Variants in ADGRB1 observed in about 807,000 individuals in gnomAD.
ADGRB1 encodes brain-specific angiogenesis inhibitor 1.
In ADGRB1, 36 loss-of-function variants were observed where a neutral mutation model predicts 175.7. The ratio of observed to expected loss-of-function variants is 0.20; its 90% CI spans 0.16 to 0.27. The LOEUF (loss-of-function observed/expected upper bound fraction) is 0.27. Among genes scored for constraint, ADGRB1 ranks in the 10% least tolerant of loss-of-function variants. The probability of loss-of-function intolerance (pLI) is 1.00; values close to 1 mark genes in which losing one functional copy is unlikely to be tolerated. For synonymous variants in ADGRB1, 1,054 were observed against 979.4 expected (o/e 1.08, Z -1.42); for missense variants, 1,731 against 2,255.3 (o/e 0.77, Z 4.71).
chr8:142,521,483 T>C (rs1486180517), intron 20 of ADGRB1, among the ~76,000 whole-genome samples: 1 of 152,138 alleles, frequency 6.6e-6, no homozygotes, highest in South Asian at 2.1e-4. Context: ...ACGCTGACAA[T>C]CTAGGAGAGA....
intron 3 of ADGRB1, 65 bp downstream of exon 3, chr8:142,475,700 G>GT (rs1840924416): frequency 2.5e-6 from 3 of 1,176,500 alleles, no homozygotes; most frequent in Non-Finnish European, 3.1e-6. Context: ...AGGGAGGAGA[G>GT]GGGGGTGGGG....
chr8:142,464,331 A>G lies in ADGRB1; in HGVS notation c.133A>G (p.Thr45Ala). 1 of 1,499,304 alleles carries G rather than the reference A, an allele frequency of 6.7e-7. No homozygotes were observed. Among genetic ancestry groups the G allele is most frequent in the South Asian group, 1.3e-5 (1 of 78,816 alleles). The allele number at this position is 1,499,304 out of a possible 1,614,324, so 92.9% of individuals were successfully genotyped here. Residue 45 changes from threonine (T) to alanine (A), a missense_variant, in exon 2 of 31, where the codon ACG becomes GCG. By Grantham distance (58) the Thr-to-Ala change is moderately conservative. Transcript: ENST00000517894. ...DAGPGPEPCA[T>A]LVQGKFFGYF... ...GGGGCCCGGGCCCGAGCCGTGCGCC[A>G]CGCTGGTGCAGGGAAAGTTCTTCGG...
Position 142,543,832 on chromosome 8 carries a change from A to T in ADGRB1, c.4557+124A>T, listed in dbSNP as rs1256369947. On this transcript the variant is annotated intron_variant, in intron 30 of 30. Coordinates refer to ENST00000517894, the MANE Select transcript of ADGRB1 (RefSeq NM_001702.3). This position sits in a 1 kb window ranked among gnomAD's most constrained non-coding sequence, Gnocchi z 4.4. ...CATCCATCCATTCGTTCATTCATTCATTCATTCGCCCATCCCTGAGGGCTG... is the reference window on the plus strand; with the variant it reads ...CATCCATCCATTCGTTCATTCATTCTTTCATTCGCCCATCCCTGAGGGCTG... 2.0e-6 allele frequency: 2 copies of T among 1,017,962 alleles called. No individual in the cohort carries two copies. Among genetic ancestry groups the T allele is most frequent in the Non-Finnish European group, 2.9e-6 (2 of 678,528 alleles). The allele number at this position is 1,017,962 out of a possible 1,614,324, so 63.1% of individuals were successfully genotyped here.
chr8:142,482,704 T>C (rs1042428579), intron 11 of ADGRB1, among the ~76,000 whole-genome samples: 2 of 147,764 alleles, frequency 1.4e-5, no homozygotes, highest in African/African-American at 5.1e-5. Context: ...GGTCACACAC[T>C]GAGCCCTGAT....
At chr8:142,531,227 C>A (rs1480253461) in intron 24 of ADGRB1, among the ~76,000 whole-genome samples, 1 of 152,238 alleles carries the variant, frequency 6.6e-6, no homozygotes, top group Non-Finnish European at 1.5e-5. Context: ...AGCTTATCGC[C>A]ATGGGAAAAC....
chr8:142,508,280 G>C (rs1842933987), intron 17 of ADGRB1, among the ~76,000 whole-genome samples: 1 of 152,180 alleles, frequency 6.6e-6, no homozygotes, highest in South Asian at 2.1e-4. Flanking sequence ...TCAGGTCCCT[G>C]CTCCACCTGT....
intron 18 of ADGRB1, among the ~76,000 whole-genome samples, chr8:142,516,331 G>A (rs1843427567): frequency 6.8e-6 from 1 of 146,772 alleles, no homozygotes; most frequent in Non-Finnish European, 1.5e-5. Flanking sequence ...CCAGGTGCAT[G>A]CGTGTGTGCG....
intron 23 of ADGRB1, 83 bp downstream of exon 23, chr8:142,524,387 C>T (rs1844052425): frequency 7.2e-7 from 1 of 1,398,088 alleles, no homozygotes; most frequent in Non-Finnish European, 9.7e-7. Flanking sequence ...TGTCTCATGC[C>T]CCAGGCTGTG....
rs1286316480 is a variant in ADGRB1, at chr8:142,522,068, A to G, written c.3128A>G (p.His1043Arg). The G allele has an allele frequency of 1.2e-6, 2 of 1,611,622 alleles. No homozygotes were observed. Among genetic ancestry groups the G allele is most frequent in the East Asian group, 2.2e-5 (1 of 44,810 alleles). ...AWQSYMAVTG[H>R]LRNRLIRKRF... is the part of the protein sequence containing the mutation. ...CAGTCCTACATGGCGGTGACGGGCC[A>G]CCTCCGGAACCGCCTCATCCGCAAG... Residue 1043 changes from histidine (H) to arginine (R), a missense_variant, in exon 21 of 31, where the codon CAC becomes CGC. Coordinates refer to ENST00000517894, the MANE Select transcript of ADGRB1 (RefSeq NM_001702.3).
At chr8:142,469,617 A>G (rs553363022) in intron 2 of ADGRB1, among the ~76,000 whole-genome samples, 180 of 104,618 alleles carry the variant, frequency 1.7e-3, no homozygotes, top group Middle Eastern at 7.9e-3. Context: ...ATGTGTGTGT[A>G]TGCACGTGCA....
intron 1 of ADGRB1, among the ~76,000 whole-genome samples, chr8:142,458,589 C>T (rs1013771724): frequency 9.9e-5 from 15 of 152,282 alleles, no homozygotes; most frequent in African/African-American, 3.4e-4. Flanking sequence ...CCTGCTGCCC[C>T]ACCTCTCTGG....
At chr8:142,477,328 C>G (rs750364140) in intron 5 of ADGRB1, 50 bp downstream of exon 5, 16 of 1,586,126 alleles carry the variant, frequency 1.0e-5, no homozygotes, top group Middle Eastern at 3.4e-4. Flanking sequence ...CAGCGGGGGG[C>G]CAGGGCAGCG....
chr8:142,506,112 A>T (rs1482510194), intron 17 of ADGRB1, among the ~76,000 whole-genome samples: 1 of 151,710 alleles, frequency 6.6e-6, no homozygotes, highest in Non-Finnish European at 1.5e-5. Context: ...CACCTGGGCG[A>T]CCCCGAGGTG....
chr8:142,480,464 C>T (rs1008930432), intron 9 of ADGRB1, among the ~76,000 whole-genome samples: 4 of 152,104 alleles, frequency 2.6e-5, no homozygotes, highest in Admixed American at 6.5e-5. Context: ...TTGCCAGCTG[C>T]GGCTGCTGCT....
intron 18 of ADGRB1, among the ~76,000 whole-genome samples, chr8:142,513,099 C>T (rs947815840): frequency 6.6e-6 from 1 of 152,188 alleles, no homozygotes; most frequent in Non-Finnish European, 1.5e-5. Flanking sequence ...GGGCAGGATG[C>T]CAGCAGGCAT....
intron 18 of ADGRB1, among the ~76,000 whole-genome samples, chr8:142,516,456 G>C (rs372684833): frequency 8.9e-5 from 13 of 145,456 alleles, no homozygotes; most frequent in Admixed American, 5.5e-4. Context: ...GCGTGTGTCT[G>C]TGCGGGCCCC....
At chr8:142,489,580 G>A (rs1411425963) in intron 16 of ADGRB1, 142 bp downstream of exon 16, 5 of 953,442 alleles carry the variant, frequency 5.2e-6, no homozygotes, top group Non-Finnish European at 7.9e-6. Flanking sequence ...CTGGATTACA[G>A]GTGGGGAAAC....
rs1354703532 is a variant in ADGRB1, at chr8:142,506,656, C to T, written c.2676-4276C>T. On this transcript the variant is annotated intron_variant, in intron 17 of 30. Transcript: ENST00000517894. ...GTGCCCCCTGCAGCAGGAAGGATTT[C>T]AGTCAGACTTTCGGGGGAACTTCCA... Among the ~76,000 whole-genome samples the T allele has an allele frequency of 2.0e-5, 3 of 152,232 alleles. No individual in the cohort carries two copies. In the East Asian group the frequency reaches 5.8e-4, roughly 29 times the overall value.
Position 142,501,238 on chromosome 8 carries a change from A to G in ADGRB1, c.2676-9694A>G, listed in dbSNP as rs188542846. Among the ~76,000 whole-genome samples, 317 of 152,042 alleles carry G rather than the reference A, an allele frequency of 2.1e-3. 1 individual carries two copies. The highest frequency in any genetic ancestry group is 7.2e-3 in the African/African-American group (299 of 41,454). On this transcript the variant is annotated intron_variant, in intron 17 of 30. Coordinates refer to ENST00000517894, the MANE Select transcript of ADGRB1 (RefSeq NM_001702.3). ...TGACGGTTGTGGTGACAGTGGTGGT[A>G]ATGACTGTGCTGTTAATGGCAGTGG...
Sources: gnomAD v4.1 joint callset for allele counts (sites outside exome capture counted in the v4.1 genomes callset) on GRCh38, gnomAD v4.1.1 for gene constraint, Gnocchi (gnomAD v3.1) non-coding constraint, MANE v1.5 for transcripts, NCBI Gene and HGNC (gene_info 2026-07-23, HGNC 2026-07-21) for gene names.